The following ZNF100 variants were observed in gnomAD, a reference collection of about 807,000 sequenced individuals.
ZNF100 encodes zinc finger protein 100 (Y1).
Under a neutral mutation model 15.8 loss-of-function variants are expected in ZNF100, and 12 were observed. The ratio of observed to expected loss-of-function variants is 0.76; its 90% CI spans 0.49 to 1.23. The LOEUF (loss-of-function observed/expected upper bound fraction) is 1.23, where lower values mean the gene tolerates loss of function less well. Ranked by LOEUF, ZNF100 falls within the 50% of genes most tolerant of loss-of-function variation. ZNF100 has a pLI of 0.00. For missense variants in ZNF100, 670 were observed against 635.6 expected, an observed-to-expected ratio of 1.05 and a Z score of -0.58; for synonymous variants, 226 against 214.8, an observed-to-expected ratio of 1.05 and a Z score of -0.45.
Position 21,727,714 on chromosome 19 carries a change from T to C in ZNF100, c.598A>G (p.Thr200Ala), listed in dbSNP as rs746055850. Reference sequence around the variant, plus strand: ...TTACATTTGAAAGGTTTCTTTCTAGTATGTCTTATCTTATGTCTGTTTGAA... The same window carrying C: ...TTACATTTGAAAGGTTTCTTTCTAGCATGTCTTATCTTATGTCTGTTTGAA... ...SNSNRHKIRH[T>A]RKKPFKCKKC... The change falls in exon 5 of 5, where the codon ACT becomes GCT. Residue 200 changes from threonine (T) to alanine (A), a missense_variant. Coordinates refer to ENST00000358296, the MANE Select transcript of ZNF100 (RefSeq NM_173531.4). 7 of 1,613,628 alleles carry C rather than the reference T, an allele frequency of 4.3e-6. No individual in the cohort carries two copies. The highest frequency in any genetic ancestry group is 3.3e-5 in the Admixed American group (2 of 59,960).
At chr19:21,756,051 T>C (rs1207996811) in intron 2 of ZNF100, among the ~76,000 whole-genome samples, 1 of 152,186 alleles carries the variant, frequency 6.6e-6, no homozygotes, top group Non-Finnish European at 1.5e-5. Context: ...CCTGCTTTTT[T>C]AGAAGAAATT....
chr19:21,728,994 T>C (rs757625317), intron 4 of ZNF100, among the ~76,000 whole-genome samples: 5 of 150,858 alleles, frequency 3.3e-5, no homozygotes, highest in Non-Finnish European at 7.4e-5. Flanking sequence ...AAAGAAACGA[T>C]GTAAAGATGA....
At chr19:21,744,722 A>C (rs1245778905) in intron 3 of ZNF100, among the ~76,000 whole-genome samples, 2 of 152,106 alleles carry the variant, frequency 1.3e-5, no homozygotes, top group African/African-American at 4.8e-5. Flanking sequence ...AATTACCACT[A>C]ATCTAGAGTG....
chr19:21,739,643 A>T (rs2036073667), intron 4 of ZNF100, among the ~76,000 whole-genome samples: 1 of 152,188 alleles, frequency 6.6e-6, no homozygotes, highest in South Asian at 2.1e-4. Flanking sequence ...AGGAATTAAA[A>T]GCAAAAGTAA....
Position 21,727,909 on chromosome 19 carries a change from A to G in ZNF100, c.403T>C (p.Tyr135His), listed in dbSNP as rs377709566. The G allele has an allele frequency of 3.8e-6, 6 of 1,598,808 alleles. No individual in the cohort carries two copies. The highest frequency in any genetic ancestry group is 1.7e-4 in the Middle Eastern group (1 of 5,980). Residue 135 changes from tyrosine (Y) to histidine (H), a missense_variant, in exon 5 of 5, where the codon TAT (tyrosine) becomes CAT (histidine). Physicochemically the swap from Tyr to His is moderately conservative, Grantham distance 83. Transcript: ENST00000358296. ...DSFQEAILKK[Y>H]GKYGHDNLQL... The stretch of plus-strand genomic sequence containing the variant: ...AAATTGTCATGTCCATATTTTCCAT[A>G]TTTTTTCAGAATCGCTTCTTGAAAA...
intron 1 of ZNF100, among the ~76,000 whole-genome samples, chr19:21,766,985 C>G (rs2036573946): frequency 9.6e-6 from 1 of 104,336 alleles, no homozygotes; most frequent in Non-Finnish European, 2.1e-5. Flanking sequence ...CAGAGCGACT[C>G]CGTCTCAAAC....
At chr19:21,737,500 A>T in intron 4 of ZNF100, among the ~76,000 whole-genome samples, 1 of 151,800 alleles carries the variant, frequency 6.6e-6, no homozygotes, top group East Asian at 1.9e-4. Flanking sequence ...GCACCATCAC[A>T]CTCCAGCCTG....
At chr19:21,765,811 C>T (rs1173853432) in intron 1 of ZNF100, 25 bp from the exon 2 acceptor site, 1 of 1,593,424 alleles carries the variant, frequency 6.3e-7, no homozygotes, top group Non-Finnish European at 8.6e-7. Flanking sequence ...AAACCAGAAG[C>T]TGACATTCAC....
At chr19:21,739,474 T>G (rs1039812834) in intron 4 of ZNF100, among the ~76,000 whole-genome samples, 2 of 66,300 alleles carry the variant, frequency 3.0e-5, no homozygotes, top group Non-Finnish European at 4.4e-5. Flanking sequence ...AAAGATCACT[T>G]GAGTCAAGCA....
intron 2 of ZNF100, among the ~76,000 whole-genome samples, chr19:21,757,298 C>G (rs753585407): frequency 2.0e-5 from 3 of 152,180 alleles, no homozygotes; most frequent in Non-Finnish European, 2.9e-5. Flanking sequence ...ATTATCAGGG[C>G]ATGGTGGTGC....
Position 21,767,486 on chromosome 19 carries a change from G to C in ZNF100, c.-57C>G. ...GCTGTGGATCTCCCAATATCTGCAG[G>C]TCAGAGGGCCACACAGGCTAGGCCC... On this transcript the variant is annotated 5_prime_UTR_variant, in exon 1 of 5. Transcript: ENST00000358296. 3 of 1,613,018 alleles carry C rather than the reference G, an allele frequency of 1.9e-6. No individual in the cohort carries two copies. Among genetic ancestry groups the C allele is most frequent in the Non-Finnish European group, 2.5e-6 (3 of 1,179,302 alleles).
chr19:21,755,150 A>G (rs2036371752), intron 2 of ZNF100, among the ~76,000 whole-genome samples: 1 of 152,002 alleles, frequency 6.6e-6, no homozygotes, highest in Non-Finnish European at 1.5e-5. Context: ...CGTCTCTACT[A>G]AAAATACAAA....
At chr19:21,744,833 A>G in intron 3 of ZNF100, 108 bp downstream of exon 3, 4 of 1,528,714 alleles carry the variant, frequency 2.6e-6, no homozygotes, top group Non-Finnish European at 3.5e-6. Context: ...TCTTGAAAAA[A>G]CGGATCAGAA....
chr19:21,724,687 T>C lies in ZNF100; in HGVS notation c.*1996A>G, dbSNP rs1339523689. Reference sequence around the variant, plus strand: ...TATATACTGTATTCTTGTATCAAAATATGCCATATATTGCATGAATATATA... The same window carrying C: ...TATATACTGTATTCTTGTATCAAAACATGCCATATATTGCATGAATATATA... On this transcript the variant is annotated 3_prime_UTR_variant, in exon 5 of 5. Coordinates refer to ENST00000358296, the MANE Select transcript of ZNF100 (RefSeq NM_173531.4). 1 of 152,148 alleles carries C rather than the reference T, an allele frequency of 6.6e-6. No individual in the cohort carries two copies. The highest frequency in any genetic ancestry group is 1.9e-4 in the East Asian group (1 of 5,202). The allele number at this position is 152,148 out of a possible 1,614,324, so 9.4% of individuals were successfully genotyped here.
chr19:21,749,355 C>T (rs955900835), intron 2 of ZNF100, among the ~76,000 whole-genome samples: 3 of 151,646 alleles, frequency 2.0e-5, no homozygotes, highest in Non-Finnish European at 4.4e-5. Context: ...ATTAACCACT[C>T]GTCAGCCTGA....
chr19:21,726,773 G>T lies in ZNF100; in HGVS notation c.1539C>A (p.Tyr513Ter), dbSNP rs776774579. Residue 513 changes from tyrosine to a stop codon, truncating the protein, a stop_gained, in exon 5 of 5, where the codon TAC becomes TAA. Coordinates refer to ENST00000358296, the MANE Select transcript of ZNF100 (RefSeq NM_173531.4). LOFTEE classifies it low-confidence loss of function (END_TRUNC). ...AGTCTTTACCACATTCTTCCCATTT[G>T]TAAGATTTCTCTCCAGTATGAGTTA... ...HKITHTGEKSYKWEECGKDFN... is the reference protein window; with the variant it reads ...HKITHTGEKS 1 of 1,613,276 alleles carries T rather than the reference G, an allele frequency of 6.2e-7. No homozygotes were observed. The highest frequency in any genetic ancestry group is 8.5e-7 in the Non-Finnish European group (1 of 1,179,726).
Position 21,726,860 on chromosome 19 carries a change from G to C in ZNF100, c.1452C>G (p.Pro484=). Residue 484 remains proline, a synonymous_variant, in exon 5 of 5, where the codon CCC becomes CCG. Coordinates refer to ENST00000358296, the MANE Select transcript of ZNF100 (RefSeq NM_173531.4). Reference sequence around the variant, plus strand: ...CTTTGCCACATTCCTCACATTTGTAGGGTTTCTCTCCAGTATGAATCATCT... The same window carrying C: ...CTTTGCCACATTCCTCACATTTGTACGGTTTCTCTCCAGTATGAATCATCT... ...AHKMIHTGEK[P]YKCEECGKAF... 1 of 1,612,964 alleles carries C rather than the reference G, an allele frequency of 6.2e-7. No homozygotes were observed. The highest frequency in any genetic ancestry group is 1.1e-5 in the South Asian group (1 of 90,848).
At chr19:21,748,981 C>T (rs1467736949) in intron 2 of ZNF100, among the ~76,000 whole-genome samples, 1 of 152,204 alleles carries the variant, frequency 6.6e-6, no homozygotes, top group East Asian at 1.9e-4. Context: ...GCTGGGATTA[C>T]AGGCGTGAGC....
At chr19:21,741,876 C>T (rs1180783061) in intron 4 of ZNF100, among the ~76,000 whole-genome samples, 1 of 152,100 alleles carries the variant, frequency 6.6e-6, no homozygotes, top group African/African-American at 2.4e-5. Flanking sequence ...GGGAATCTCC[C>T]TGTGTTGCCC....
Sources: gnomAD v4.1 joint callset for allele counts (sites outside exome capture counted in the v4.1 genomes callset) on GRCh38, gnomAD v4.1.1 for gene constraint, MANE v1.5 for transcripts, NCBI Gene and HGNC (gene_info 2026-07-23, HGNC 2026-07-21) for gene names.